Variants in CATSPERT observed in about 807,000 individuals in gnomAD.
CATSPERT encodes the protein catsper channel auxiliary subunit tau.
At chr2:201,517,590 T>C in the CATSPERT span, among the ~76,000 whole-genome samples, 2 of 152,220 alleles carry the variant, frequency 1.3e-5, no homozygotes, top group Non-Finnish European at 2.9e-5. Context: ...GAGAGGACTA[T>C]ATTATTTATA....
At chr2:201,605,059 T>TAC in the CATSPERT span, among the ~76,000 whole-genome samples, 1,696 of 149,640 alleles carry the variant, frequency 0.011, 30 homozygotes, top group African/African-American at 0.036. Flanking sequence ...TATATATACA[T>TAC]ACACACACAC....
At chr2:201,504,639 G>A in the CATSPERT span, among the ~76,000 whole-genome samples, 2 of 152,122 alleles carry the variant, frequency 1.3e-5, no homozygotes, top group African/African-American at 4.8e-5. Flanking sequence ...ATGACCCAGG[G>A]ACTGACGGAC....
the CATSPERT span, among the ~76,000 whole-genome samples, chr2:201,515,023 T>C: frequency 6.6e-6 from 1 of 152,056 alleles, no homozygotes; most frequent in Non-Finnish European, 1.5e-5. Context: ...ACCATTTGGC[T>C]AGCAAGGCCT....
the CATSPERT span, among the ~76,000 whole-genome samples, chr2:201,523,354 T>A: frequency 1.3e-5 from 2 of 152,158 alleles, no homozygotes; most frequent in African/African-American, 4.8e-5. Context: ...CCCCCAGGGT[T>A]AGAGCACACA....
At chr2:201,573,032 G>A in the CATSPERT span, among the ~76,000 whole-genome samples, 2 of 152,118 alleles carry the variant, frequency 1.3e-5, no homozygotes, top group Non-Finnish European at 2.9e-5. Flanking sequence ...TATAACAGCA[G>A]CACTAAGAGG....
At chr2:201,521,525 G>T in the CATSPERT span, among the ~76,000 whole-genome samples, 1 of 151,976 alleles carries the variant, frequency 6.6e-6, no homozygotes, top group East Asian at 1.9e-4. Context: ...ACTATCATGA[G>T]AACAGCAAGA....
At chr2:201,612,581 GA>G in the CATSPERT span, among the ~76,000 whole-genome samples, 19 of 111,244 alleles carry the variant, frequency 1.7e-4, no homozygotes, top group East Asian at 7.9e-4. Flanking sequence ...CTCCATCTTG[GA>G]AAAAAAAAAA....
the CATSPERT span, among the ~76,000 whole-genome samples, chr2:201,576,365 A>C: frequency 6.6e-6 from 1 of 152,208 alleles, no homozygotes; most frequent in Non-Finnish European, 1.5e-5. Flanking sequence ...CAGCAGCTCG[A>C]AACAGCCATC....
the CATSPERT span, chr2:201,534,470 T>A: frequency 1.5e-5 from 15 of 983,508 alleles, no homozygotes; most frequent in South Asian, 6.6e-4. Flanking sequence ...CTACAAACTA[T>A]GTGCCCATAC....
At chr2:201,584,619 C>T in the CATSPERT span, among the ~76,000 whole-genome samples, 2 of 151,894 alleles carry the variant, frequency 1.3e-5, no homozygotes, top group Admixed American at 6.6e-5. Context: ...CCCATCTTTA[C>T]TAAAAATACA....
At chr2:201,576,968 C>T in the CATSPERT span, among the ~76,000 whole-genome samples, 1 of 152,162 alleles carries the variant, frequency 6.6e-6, no homozygotes, top group African/African-American at 2.4e-5. Context: ...TATCTATAGT[C>T]ATCTCTGCTG....
the CATSPERT span, among the ~76,000 whole-genome samples, chr2:201,581,560 A>G: frequency 3.5e-5 from 2 of 57,202 alleles, no homozygotes; most frequent in African/African-American, 1.8e-4. Flanking sequence ...ATATATATAT[A>G]TATATATATA....
the CATSPERT span, among the ~76,000 whole-genome samples, chr2:201,515,331 T>C: frequency 6.9e-6 from 1 of 144,162 alleles, no homozygotes; most frequent in Non-Finnish European, 1.5e-5. Flanking sequence ...GTCTCCCAGG[T>C]TCAAGCCATT....
the CATSPERT span, among the ~76,000 whole-genome samples, chr2:201,575,034 C>CAAAAAAA: frequency 1.2e-4 from 12 of 97,868 alleles, no homozygotes; most frequent in East Asian, 2.9e-4. Context: ...CACCATTTAG[C>CAAAAAAA]AAAAAAAAAA....
At chr2:201,508,478 A>G in the CATSPERT span, among the ~76,000 whole-genome samples, 3 of 152,278 alleles carry the variant, frequency 2.0e-5, no homozygotes, top group Non-Finnish European at 2.9e-5. Context: ...TAAAAAGCAC[A>G]TAACATTAAT....
chr2:201,506,839 C>T, the CATSPERT span, among the ~76,000 whole-genome samples: 1 of 152,194 alleles, frequency 6.6e-6, no homozygotes, highest in Non-Finnish European at 1.5e-5. Flanking sequence ...AGGCGTGAGC[C>T]ACCGCGCCCA....
the CATSPERT span, among the ~76,000 whole-genome samples, chr2:201,592,780 T>C: frequency 1.3e-5 from 2 of 152,256 alleles, no homozygotes; most frequent in African/African-American, 4.8e-5. Context: ...GAGGTGTTTG[T>C]AGTATTCTCT....
chr2:201,589,948 A>G, the CATSPERT span, among the ~76,000 whole-genome samples: 3 of 151,986 alleles, frequency 2.0e-5, no homozygotes, highest in South Asian at 6.2e-4. Flanking sequence ...CAGACAAAGG[A>G]CATAAACGGA....
chr2:201,497,302 G>A, the CATSPERT span, among the ~76,000 whole-genome samples: 1 of 152,106 alleles, frequency 6.6e-6, no homozygotes, highest in African/African-American at 2.4e-5. Flanking sequence ...AGCCAAATGT[G>A]TCTAACTCTG....
Sources: gnomAD v4.1 joint callset for allele counts (sites outside exome capture counted in the v4.1 genomes callset) on GRCh38, gnomAD v4.1.1 for gene constraint, MANE v1.5 for transcripts, NCBI Gene and HGNC (gene_info 2026-07-23, HGNC 2026-07-21) for gene names.